The following PLS1 variants were observed in gnomAD, a reference collection of about 807,000 sequenced individuals.
PLS1 encodes plastin-1.
PLS1 carries 32 observed loss-of-function variants against 73.7 expected under a neutral mutation model. The ratio of observed to expected loss-of-function variants is 0.43; its 90% CI spans 0.33 to 0.58. The LOEUF (loss-of-function observed/expected upper bound fraction) is 0.58, where lower values mean the gene tolerates loss of function less well. PLS1 is among the 20% of genes least tolerant of loss of function. The pLI, the probability that PLS1 is intolerant of heterozygous loss-of-function variation, is 0.04. For missense variants in PLS1, 633 were observed against 740.5 expected (o/e 0.85, Z 1.68); for synonymous variants, 217 against 261.3 (o/e 0.83, Z 1.63).
Position 142,635,283 on chromosome 3 carries a change from CAAAG to C in PLS1, c.-36-28916_-36-28913del, listed in dbSNP as rs913420669. Among the ~76,000 whole-genome samples, 7 of 151,800 alleles carry C rather than the reference CAAAG, an allele frequency of 4.6e-5. No individual in the cohort carries two copies. The East Asian group carries it at 5.8e-4, about 13-fold the overall frequency. On this transcript the variant is annotated intron_variant, in intron 1 of 15. Coordinates refer to ENST00000457734, the MANE Select transcript of PLS1 (RefSeq NM_001145319.2). ...GAAGAAAAAAGAGGAAAAAAGAAAA[CAAAG>C]AACAAATGGGACAAATAGAAAACAA...
intron 1 of PLS1, chr3:142,619,592 A>G (rs1233811069): frequency 6.6e-6 from 1 of 152,214 alleles, no homozygotes; most frequent in African/African-American, 2.4e-5. Context: ...GTTTTCCTCC[A>G]TAAATGTGTA....
At chr3:142,679,930 T>G (rs1577882842) in intron 6 of PLS1, among the ~76,000 whole-genome samples, 2 of 152,144 alleles carry the variant, frequency 1.3e-5, no homozygotes, top group East Asian at 1.9e-4. Flanking sequence ...TCCATTTGTT[T>G]GTATCCTCTT....
intron 12 of PLS1, among the ~76,000 whole-genome samples, chr3:142,700,720 G>T (rs2038314898): frequency 6.6e-6 from 1 of 152,148 alleles, no homozygotes; most frequent in African/African-American, 2.4e-5. Context: ...TTTGTCCAAA[G>T]CATTTAAAGT....
Position 142,711,982 on chromosome 3 carries a change from G to C in PLS1, c.1865G>C (p.Gly622Ala). The change falls in exon 16 of 16, where the codon GGA becomes GCA. Residue 622 changes from glycine (G) to alanine (A), a missense_variant. Coordinates refer to ENST00000457734, the MANE Select transcript of PLS1 (RefSeq NM_001145319.2). ...MVMTVFACLM[G>A]KGLNRIK ...ATGACGGTGTTTGCATGCTTAATGGGAAAAGGACTGAACAGAATAAAATAA... is the reference window on the plus strand; with the variant it reads ...ATGACGGTGTTTGCATGCTTAATGGCAAAAGGACTGAACAGAATAAAATAA... The C allele has an allele frequency of 6.2e-7, 1 of 1,613,446 alleles. No homozygotes were observed. Among genetic ancestry groups the C allele is most frequent in the Non-Finnish European group, 8.5e-7 (1 of 1,179,456 alleles).
At chr3:142,652,491 A>G (rs1305673950) in intron 1 of PLS1, among the ~76,000 whole-genome samples, 1 of 152,198 alleles carries the variant, frequency 6.6e-6, no homozygotes, top group African/African-American at 2.4e-5. Flanking sequence ...CCCTTGGACA[A>G]GCTGCAGTGA....
chr3:142,612,515 G>C (rs1420726720), intron 1 of PLS1, among the ~76,000 whole-genome samples: 1 of 152,124 alleles, frequency 6.6e-6, no homozygotes, highest in Non-Finnish European at 1.5e-5. Context: ...CTACCTTCAT[G>C]TTACTTTAGT....
chr3:142,691,876 T>C (rs1236213914), intron 10 of PLS1, among the ~76,000 whole-genome samples: 2 of 152,132 alleles, frequency 1.3e-5, no homozygotes, highest in Non-Finnish European at 2.9e-5. Context: ...AACGCTCACA[T>C]CAAATTGAAC....
At chr3:142,657,356 C>T (rs959066278) in intron 1 of PLS1, among the ~76,000 whole-genome samples, 7 of 152,180 alleles carry the variant, frequency 4.6e-5, no homozygotes, top group Non-Finnish European at 1.0e-4. Flanking sequence ...GGACATCCAA[C>T]CTAAGTAAGC....
At chr3:142,658,105 A>G (rs1176762568) in intron 1 of PLS1, among the ~76,000 whole-genome samples, 1 of 152,178 alleles carries the variant, frequency 6.6e-6, no homozygotes, top group African/African-American at 2.4e-5. Flanking sequence ...AATATAACCT[A>G]TGTCCATGTA....
In PLS1 at chr3:142,712,163, A is replaced by G; in HGVS notation, c.*156A>G. ...TCAATATCCTGTTCATACTAGTTAGAGCTGGTCAGCCTTTTTGGGTAACAC... is the reference window on the plus strand; with the variant it reads ...TCAATATCCTGTTCATACTAGTTAGGGCTGGTCAGCCTTTTTGGGTAACAC... On this transcript the variant is annotated 3_prime_UTR_variant, in exon 16 of 16. Coordinates refer to ENST00000457734, the MANE Select transcript of PLS1 (RefSeq NM_001145319.2). 1.6e-6 allele frequency: 1 copy of G among 613,218 alleles called. No homozygotes were observed. Among genetic ancestry groups the G allele is most frequent in the South Asian group, 2.8e-5 (1 of 35,882 alleles). The allele number at this position is 613,218 out of a possible 1,614,324, so 38.0% of individuals were successfully genotyped here.
intron 1 of PLS1, among the ~76,000 whole-genome samples, chr3:142,625,070 A>G (rs921179953): frequency 1.3e-5 from 2 of 152,310 alleles, no homozygotes; most frequent in East Asian, 1.9e-4. Context: ...TTGTCTAGCC[A>G]TTAAAAAAAA....
At chr3:142,600,905 TATATATA>T (rs1308651265) in intron 1 of PLS1, among the ~76,000 whole-genome samples, 41 of 31,436 alleles carry the variant, frequency 1.3e-3, no homozygotes, top group East Asian at 6.3e-3. Context: ...TATATATATA[TATATATA>T]TATATTTTTT....
At chr3:142,640,060 A>G (rs1038284906) in intron 1 of PLS1, among the ~76,000 whole-genome samples, 5 of 152,228 alleles carry the variant, frequency 3.3e-5, no homozygotes, top group African/African-American at 1.2e-4. Flanking sequence ...AGAATTTTAT[A>G]CAATAGAGGA....
intron 4 of PLS1, among the ~76,000 whole-genome samples, chr3:142,674,602 C>T (rs923054123): frequency 1.3e-5 from 2 of 152,180 alleles, no homozygotes; most frequent in African/African-American, 4.8e-5. Flanking sequence ...ATTTTCCCCA[C>T]TGCATAACCC....
intron 4 of PLS1, among the ~76,000 whole-genome samples, 156 bp from the exon 5 acceptor site, chr3:142,676,001 C>T (rs745558393): frequency 5.1e-4 from 78 of 152,244 alleles, no homozygotes; most frequent in Admixed American, 7.8e-4. Context: ...TTTTCTTGAA[C>T]CCTTTTGTGT....
rs568915760 is a variant in PLS1 at position 142,636,234 on chromosome 3, A to G, written c.-36-27968A>G. On this transcript the variant is annotated intron_variant, in intron 1 of 15. Transcript: ENST00000457734. ...AAGTTACAGTAATTAACAGTGTTGT[A>G]TTTGCATAAAGATAGACATGTGAAT... 3.9e-5 allele frequency among the ~76,000 whole-genome samples: 6 copies of G among 152,284 alleles called. No individual in the cohort carries two copies. The South Asian group carries it at 8.3e-4, about 21-fold the overall frequency.
intron 6 of PLS1, among the ~76,000 whole-genome samples, chr3:142,678,923 C>T (rs1393025810): frequency 1.3e-5 from 2 of 152,078 alleles, no homozygotes; most frequent in African/African-American, 4.8e-5. Flanking sequence ...TCCACATCCT[C>T]TCCAGCACCT....
In PLS1 at chr3:142,711,549, A is replaced by G. The variant is rs1577922563; in HGVS notation, c.1678A>G (p.Ile560Val). The G allele has an allele frequency of 6.2e-7, 1 of 1,602,952 alleles. No individual in the cohort carries two copies. Among genetic ancestry groups the G allele is most frequent in the Non-Finnish European group, 8.5e-7 (1 of 1,170,508 alleles). Residue 560 changes from isoleucine (I) to valine (V), a missense_variant, in exon 15 of 16, where the codon ATT becomes GTT. Physicochemically the swap from Ile to Val is conservative, Grantham distance 29. Coordinates refer to ENST00000457734, the MANE Select transcript of PLS1 (RefSeq NM_001145319.2). ...SLPVLDLIDAIAPNAVRQEMI... is the reference protein window; with the variant it reads ...SLPVLDLIDAVAPNAVRQEMI... ...ACCTGTCCTAGATTTAATAGATGCC[A>G]TTGCACCAAATGCAGTTCGTCAAGA...
intron 6 of PLS1, among the ~76,000 whole-genome samples, chr3:142,681,027 A>T (rs1403677715): frequency 6.6e-6 from 1 of 152,172 alleles, no homozygotes; most frequent in Non-Finnish European, 1.5e-5. Flanking sequence ...CCTTGATTTC[A>T]CTAAAATTGT....
Sources: allele counts gnomAD v4.1 joint callset (sites outside exome capture counted in the v4.1 genomes callset), GRCh38; gene constraint gnomAD v4.1.1; transcripts MANE v1.5; gene names NCBI Gene and HGNC (gene_info 2026-07-23, HGNC 2026-07-21).